Variants in CAMTA1 observed in about 807,000 individuals in gnomAD.
CAMTA1 encodes the protein calmodulin-binding transcription activator 1.
CAMTA1 carries 27 observed loss-of-function variants against 170.9 expected under a neutral mutation model. That is an observed-to-expected ratio of 0.16 (90% confidence interval 0.12 to 0.22). The LOEUF (loss-of-function observed/expected upper bound fraction) is 0.22, where lower values mean the gene tolerates loss of function less well. Among genes scored for constraint, CAMTA1 ranks in the 10% least tolerant of loss-of-function variants. The pLI is 1.00. For missense variants in CAMTA1, 1,619 were observed against 2,217.2 expected, an observed-to-expected ratio of 0.73 and a Z score of 5.42; for synonymous variants, 833 against 891.5, an observed-to-expected ratio of 0.93 and a Z score of 1.17.
chr1:6,915,416 G>A (rs1680570832), intron 3 of CAMTA1, among the ~76,000 whole-genome samples: 1 of 152,178 alleles, frequency 6.6e-6, no homozygotes, highest in African/African-American at 2.4e-5. Context: ...TCTTCTTGGT[G>A]ACTTGGGTTT....
chr1:7,579,288 C>G (rs1217671294), intron 6 of CAMTA1, among the ~76,000 whole-genome samples: 1 of 152,232 alleles, frequency 6.6e-6, no homozygotes, highest in African/African-American at 2.4e-5. Context: ...CTGGAGAAGT[C>G]TTGCCAGCCT....
At chr1:7,040,348 C>T (rs938982984) in intron 3 of CAMTA1, among the ~76,000 whole-genome samples, 8 of 152,096 alleles carry the variant, frequency 5.3e-5, no homozygotes, top group African/African-American at 1.4e-4. Flanking sequence ...GCGTGTGATC[C>T]GGTGCAATCA....
intron 21 of CAMTA1, among the ~76,000 whole-genome samples, chr1:7,755,259 G>A (rs999682745): frequency 4.1e-5 from 6 of 148,018 alleles, no homozygotes; most frequent in African/African-American, 1.2e-4. Context: ...CCTGGGAAGC[G>A]GAGGCTGCAG....
intron 6 of CAMTA1, among the ~76,000 whole-genome samples, chr1:7,545,629 G>A (rs2094681343): frequency 6.6e-6 from 1 of 152,158 alleles, no homozygotes; most frequent in Non-Finnish European, 1.5e-5. Context: ...CCTCACATAA[G>A]GGATACTGAG....
At chr1:7,734,270 A>G (rs561577500) in intron 12 of CAMTA1, among the ~76,000 whole-genome samples, 2 of 152,300 alleles carry the variant, frequency 1.3e-5, no homozygotes, top group East Asian at 3.9e-4. Context: ...TTTATAAAAG[A>G]AGTAATCATT....
Position 7,554,814 on chromosome 1 carries a change from C to T in CAMTA1, c.511-85586C>T, listed in dbSNP as rs55825337. 9.9e-3 allele frequency among the ~76,000 whole-genome samples: 1,508 copies of T among 152,276 alleles called. 16 individuals carry two copies. The highest frequency in any genetic ancestry group is 0.017 in the Non-Finnish European group (1,151 of 68,026). On this transcript the variant is annotated intron_variant, in intron 6 of 22. Transcript: ENST00000303635. Reference sequence around the variant, plus strand: ...CTTATCTTGGCTTGCTTCATCCCCCCCAACCCCATGCCAAAAAAAGAAGCC... The same window carrying T: ...CTTATCTTGGCTTGCTTCATCCCCCTCAACCCCATGCCAAAAAAAGAAGCC...
rs1465599242 is a variant in CAMTA1 at position 7,300,260 on chromosome 1, C to T, written c.438+50634C>T. 2.6e-5 allele frequency among the ~76,000 whole-genome samples: 4 copies of T among 152,206 alleles called. No individual in the cohort carries two copies. Among genetic ancestry groups the T allele is most frequent in the African/African-American group, 9.6e-5 (4 of 41,452 alleles). On this transcript the variant is annotated intron_variant, in intron 5 of 22. Transcript: ENST00000303635. This position sits in a 1 kb window ranked among gnomAD's most constrained non-coding sequence, Gnocchi z 4.1. Reference sequence around the variant, plus strand: ...CAAGGGTCTCCCCTAGACCCTGGCACAGAATCACCCTGGTCCCCACTCTGG... The same window carrying T: ...CAAGGGTCTCCCCTAGACCCTGGCATAGAATCACCCTGGTCCCCACTCTGG...
Position 7,766,468 on chromosome 1 carries a change from A to T in CAMTA1, c.4999A>T (p.Ile1667Phe), listed in dbSNP as rs1433359142. ...DHRLYKRSER[I>F]EKGQGT is the part of the protein sequence containing the mutation. ...TTTGTTTCTCTTCCAGAGTGAAAGA[A>T]TTGAAAAAGGCCAAGGAACTTGAAG... The change falls in exon 23 of 23, where the codon ATT (isoleucine) becomes TTT (phenylalanine). Residue 1667 changes from isoleucine to phenylalanine, a missense_variant. Physicochemically the swap from Ile to Phe is conservative, Grantham distance 21. This residue lies in a region of CAMTA1 where 128 missense variants were observed against 213.5 expected (regional missense o/e 0.60). Transcript: ENST00000303635. 6.2e-7 allele frequency: 1 copy of T among 1,614,070 alleles called. No homozygotes were observed. Among genetic ancestry groups the T allele is most frequent in the Admixed American group, 1.7e-5 (1 of 60,006 alleles).
chr1:6,809,666 G>A (rs916181156), intron 1 of CAMTA1, among the ~76,000 whole-genome samples: 3 of 152,122 alleles, frequency 2.0e-5, no homozygotes, highest in African/African-American at 7.2e-5. Context: ...TGGAAGGGGA[G>A]CAGAGAAGGG....
At chr1:7,335,124 T>TTGTGTGTGTGTGTGCGTG (rs2083274062) in intron 5 of CAMTA1, among the ~76,000 whole-genome samples, 1 of 19,178 alleles carries the variant, frequency 5.2e-5, no homozygotes, top group Non-Finnish European at 9.9e-5. Context: ...AGCACAGCTT[T>TTGTGTGTGTGTGTGCGTG]TGTGTGTGTG....
At chr1:7,551,400 A>AAT (rs35588400) in intron 6 of CAMTA1, among the ~76,000 whole-genome samples, 1 of 151,950 alleles carries the variant, frequency 6.6e-6, no homozygotes, top group African/African-American at 2.4e-5. Flanking sequence ...ATGAGGAAGA[A>AAT]AACGCAGGGC....
intron 6 of CAMTA1, among the ~76,000 whole-genome samples, chr1:7,599,736 CTGTT>C (rs1398936318): frequency 1.3e-5 from 2 of 152,128 alleles, no homozygotes; most frequent in South Asian, 2.1e-4. Context: ...ATTTAGCTCT[CTGTT>C]TGTCTGTTAT....
chr1:7,569,238 T>C (rs2095092730), intron 6 of CAMTA1, among the ~76,000 whole-genome samples: 1 of 146,640 alleles, frequency 6.8e-6, no homozygotes, highest in South Asian at 2.2e-4. Flanking sequence ...ATCATCACCA[T>C]CATCATCATC....
At position 7,128,417 on chromosome 1, in the gene CAMTA1, A is replaced by T. The variant is rs144111850; in HGVS notation, c.302+37046A>T. ...TGACATTTAGCTAACACCTTAAGGA[A>T]CAGTAGGTGTGAGATAGCAGGTGTT... On this transcript the variant is annotated intron_variant, in intron 4 of 22. Coordinates refer to ENST00000303635, the MANE Select transcript of CAMTA1 (RefSeq NM_015215.4). 1.4e-3 allele frequency among the ~76,000 whole-genome samples: 210 copies of T among 152,290 alleles called. 1 individual carries two copies. The highest frequency in any genetic ancestry group is 4.8e-3 in the African/African-American group (200 of 41,548).
chr1:6,828,191 A>T (rs181583511), intron 3 of CAMTA1, among the ~76,000 whole-genome samples: 1 of 151,764 alleles, frequency 6.6e-6, no homozygotes, highest in Non-Finnish European at 1.5e-5. Flanking sequence ...CTAATAAGGA[A>T]TTCCTTTACT....
At position 7,592,188 on chromosome 1, in the gene CAMTA1, C is replaced by T. The variant is rs765374410; in HGVS notation, c.511-48212C>T. Among the ~76,000 whole-genome samples, 2 of 152,168 alleles carry T rather than the reference C, an allele frequency of 1.3e-5. No individual in the cohort carries two copies. The highest frequency in any genetic ancestry group is 6.5e-5 in the Admixed American group (1 of 15,272). The stretch of plus-strand genomic sequence containing the variant: ...TGCTAGGATTACAGGCATGAGCCAC[C>T]GCACCCAGCCACTTTTCACAGTTTA... On this transcript the variant is annotated intron_variant, in intron 6 of 22. Coordinates refer to ENST00000303635, the MANE Select transcript of CAMTA1 (RefSeq NM_015215.4). The surrounding 1 kb of genome is among the most constrained non-coding windows in gnomAD (Gnocchi z 4.6).
At chr1:7,276,303 A>ATAATTT in intron 5 of CAMTA1, among the ~76,000 whole-genome samples, 1 of 24,228 alleles carries the variant, frequency 4.1e-5, no homozygotes, top group African/African-American at 3.0e-4. Context: ...ATATATATAT[A>ATAATTT]TTTTTTTTTT....
Position 7,570,959 on chromosome 1 carries a change from G to T in CAMTA1, c.511-69441G>T, listed in dbSNP as rs148394202. Among the ~76,000 whole-genome samples the T allele has an allele frequency of 4.1e-3, 624 of 152,312 alleles. 5 individuals carry two copies. Among genetic ancestry groups the T allele is most frequent in the African/African-American group, 0.015 (607 of 41,562 alleles). On this transcript the variant is annotated intron_variant, in intron 6 of 22. Transcript: ENST00000303635. This position sits in a 1 kb window ranked among gnomAD's most constrained non-coding sequence, Gnocchi z 4.3. ...GGGCAGCCTTTCTGTGTCGCCGGAGGTTGTGAGGATTAAAGGTGGTGTATC... is the reference window on the plus strand; with the variant it reads ...GGGCAGCCTTTCTGTGTCGCCGGAGTTTGTGAGGATTAAAGGTGGTGTATC...
intron 5 of CAMTA1, among the ~76,000 whole-genome samples, chr1:7,291,860 G>A (rs1673185151): frequency 6.6e-6 from 1 of 152,238 alleles, no homozygotes. Flanking sequence ...TCTGGAAACA[G>A]GAAGTGGTGC....
Sources: allele counts gnomAD v4.1 joint callset (sites outside exome capture counted in the v4.1 genomes callset), GRCh38; gene constraint gnomAD v4.1.1; regional missense constraint gnomAD v4.1.1; non-coding constraint Gnocchi (gnomAD v3.1); transcripts MANE v1.5; gene names NCBI Gene and HGNC (gene_info 2026-07-23, HGNC 2026-07-21).